Variants in MLLT3 observed in about 807,000 individuals in gnomAD.
MLLT3 encodes MLLT3 super elongation complex subunit.
A neutral mutation model predicts 53.2 loss-of-function variants in MLLT3; 4 were observed. The ratio of observed to expected loss-of-function variants is 0.08; its 90% confidence interval spans 0.04 to 0.17. The LOEUF is 0.17. Among genes scored for constraint, MLLT3 ranks in the 10% least tolerant of loss-of-function variants. The pLI is 1.00. For synonymous variants in MLLT3, 283 were observed against 230.6 expected, an observed-to-expected ratio of 1.23 and a Z score of -2.06; for missense variants, 569 against 684.0, an observed-to-expected ratio of 0.83 and a Z score of 1.87.
Position 20,448,207 on chromosome 9 carries a change from T to C in MLLT3, c.336A>G (p.Pro112=), listed in dbSNP as rs771865171. 5 of 1,613,592 alleles carry C rather than the reference T, an allele frequency of 3.1e-6. No homozygotes were observed. The East Asian group carries it at 1.1e-4, about 36-fold the overall frequency. The stretch of plus-strand genomic sequence containing the variant: ...TTTCACAGCGGAGGTGATTCACTGG[T>C]GGATGGCCTTCAAGATGCAGGAATA... ...YDLFLHLEGH[P]PVNHLRCEKL... is the part of the protein sequence containing the mutation. The change falls in exon 4 of 11, where the codon CCA becomes CCG. Residue 112 remains proline (P), a synonymous_variant. Transcript: ENST00000380338. The surrounding 1 kb of genome is among the most constrained non-coding windows in gnomAD (Gnocchi z 4.0).
intron 2 of MLLT3, among the ~76,000 whole-genome samples, chr9:20,548,705 G>T (rs1478520008): frequency 6.6e-6 from 1 of 152,152 alleles, no homozygotes; most frequent in Non-Finnish European, 1.5e-5. Flanking sequence ...TAAAAAGGCA[G>T]CAAGGAGCTG....
chr9:20,621,997 C>T lies in MLLT3; in HGVS notation c.12+248G>A, dbSNP rs1038270228. Reference sequence around the variant, plus strand: ...GCAAAGAGGCGAGGAGGGAGGGAGGCGCGGGGGGTGGAGGGGCGAGTGTGA... The same window carrying T: ...GCAAAGAGGCGAGGAGGGAGGGAGGTGCGGGGGGTGGAGGGGCGAGTGTGA... On this transcript the variant is annotated intron_variant, in intron 1 of 10. Coordinates refer to ENST00000380338, the MANE Select transcript of MLLT3 (RefSeq NM_004529.4). This position sits in a 1 kb window ranked among gnomAD's most constrained non-coding sequence, Gnocchi z 7.0. 5 of 1,274,914 alleles carry T rather than the reference C, an allele frequency of 3.9e-6. No homozygotes were observed. In the African/African-American group the frequency reaches 6.8e-5, roughly 17 times the overall value. The allele number at this position is 1,274,914 out of a possible 1,614,324, so 79.0% of individuals were successfully genotyped here. A position where few individuals can be genotyped will look rare whatever the true frequency, so the allele number is the denominator to read the frequency against.
At chr9:20,593,862 ATTTAGC>A (rs1820186355) in intron 2 of MLLT3, among the ~76,000 whole-genome samples, 1 of 151,950 alleles carries the variant, frequency 6.6e-6, no homozygotes, top group African/African-American at 2.4e-5. Flanking sequence ...AACTTTGCTT[ATTTAGC>A]TTTACTCTTG....
At chr9:20,502,988 T>G (rs1258405369) in intron 2 of MLLT3, among the ~76,000 whole-genome samples, 1 of 152,036 alleles carries the variant, frequency 6.6e-6, no homozygotes, top group Non-Finnish European at 1.5e-5. Context: ...AGGAAAAAAT[T>G]TAAACCAAGA....
chr9:20,477,940 A>T (rs1824566503), intron 2 of MLLT3, among the ~76,000 whole-genome samples: 1 of 152,256 alleles, frequency 6.6e-6, no homozygotes, highest in African/African-American at 2.4e-5. Context: ...ATTTTTAATT[A>T]GGTTGCAGAA....
intron 2 of MLLT3, among the ~76,000 whole-genome samples, chr9:20,492,712 A>G (rs911363910): frequency 2.6e-5 from 4 of 151,994 alleles, no homozygotes; most frequent in African/African-American, 9.7e-5. Context: ...TCTCTAAACT[A>G]AATATCTAAG....
intron 4 of MLLT3, among the ~76,000 whole-genome samples, chr9:20,445,482 A>G (rs1221769000): frequency 6.6e-6 from 1 of 152,208 alleles, no homozygotes; most frequent in Non-Finnish European, 1.5e-5. Flanking sequence ...TAGATTATGA[A>G]GTAGAAAAAA....
intron 5 of MLLT3, among the ~76,000 whole-genome samples, chr9:20,374,165 T>C (rs754529931): frequency 2.6e-5 from 4 of 152,196 alleles, no homozygotes; most frequent in Non-Finnish European, 5.9e-5. Flanking sequence ...GGAAGATTGT[T>C]TGAAGCCAGG....
chr9:20,578,821 G>T (rs765691824), intron 2 of MLLT3, among the ~76,000 whole-genome samples: 2 of 151,752 alleles, frequency 1.3e-5, no homozygotes, highest in Non-Finnish European at 2.9e-5. Context: ...GATTCCAAAG[G>T]CTTCACCAAA....
At chr9:20,412,659 A>C (rs1822759329) in intron 5 of MLLT3, among the ~76,000 whole-genome samples, 1 of 152,216 alleles carries the variant, frequency 6.6e-6, no homozygotes. Context: ...TAAGATTGCC[A>C]GTTATTTTTA....
At chr9:20,526,215 T>C (rs1472965570) in intron 2 of MLLT3, among the ~76,000 whole-genome samples, 1 of 152,158 alleles carries the variant, frequency 6.6e-6, no homozygotes, top group Non-Finnish European at 1.5e-5. Context: ...TGTACATACA[T>C]ACAGAAAAGT....
At chr9:20,460,167 T>C (rs1447950438) in intron 2 of MLLT3, among the ~76,000 whole-genome samples, 2 of 152,214 alleles carry the variant, frequency 1.3e-5, no homozygotes. Context: ...CTTCTGTCAC[T>C]TGCAACACTT....
chr9:20,585,664 T>C (rs568981706), intron 2 of MLLT3, among the ~76,000 whole-genome samples: 3 of 152,374 alleles, frequency 2.0e-5, no homozygotes, highest in African/African-American at 4.8e-5. Context: ...TGACGTGATA[T>C]TGAGCATCTT....
chr9:20,364,955 C>A (rs1197627676), intron 6 of MLLT3, among the ~76,000 whole-genome samples: 1 of 152,052 alleles, frequency 6.6e-6, no homozygotes, highest in Non-Finnish European at 1.5e-5. Context: ...AACACTTGAT[C>A]ATGAGTAGAG....
At position 20,622,448 on chromosome 9, in the gene MLLT3, C is replaced by T. The variant is rs535698721; in HGVS notation, c.-192G>A. On this transcript the variant is annotated 5_prime_UTR_variant, in exon 1 of 11. Transcript: ENST00000380338. ...CTCGCTCGCTTATTAAACTCAGCCC[C>T]AAAAGCAAAAGCAGCAGCAGCAGCA... 42 of 540,830 alleles carry T rather than the reference C, an allele frequency of 7.8e-5. No homozygotes were observed. Among genetic ancestry groups the T allele is most frequent in the African/African-American group, 6.5e-4 (33 of 50,920 alleles). 33.5% of individuals were successfully genotyped at this position (540,830 alleles called of 1,614,324 possible). A position where few individuals can be genotyped will look rare whatever the true frequency, so the allele number is the denominator to read the frequency against.
intron 3 of MLLT3, 150 bp downstream of exon 3, chr9:20,456,554 T>C (rs1823975219): frequency 1.6e-6 from 1 of 613,902 alleles, no homozygotes; most frequent in Admixed American, 3.2e-5. Context: ...TAATTAAGGG[T>C]AATGATAGCC....
chr9:20,480,219 A>C (rs945630152), intron 2 of MLLT3, among the ~76,000 whole-genome samples: 5 of 152,232 alleles, frequency 3.3e-5, no homozygotes, highest in Non-Finnish European at 7.3e-5. Flanking sequence ...GAAAGAACGC[A>C]TGCTGTCTTC....
intron 2 of MLLT3, among the ~76,000 whole-genome samples, chr9:20,503,221 G>T (rs1209369544): frequency 6.6e-6 from 1 of 152,072 alleles, no homozygotes; most frequent in Non-Finnish European, 1.5e-5. Context: ...AACCACGAAA[G>T]ACCCCAAATA....
At chr9:20,429,548 G>A (rs1823217730) in intron 4 of MLLT3, among the ~76,000 whole-genome samples, 1 of 134,680 alleles carries the variant, frequency 7.4e-6, no homozygotes, top group Admixed American at 7.0e-5. Context: ...CAATTGTAGG[G>A]GGGAAAAAAA....
Sources: allele counts gnomAD v4.1 joint callset (sites outside exome capture counted in the v4.1 genomes callset), GRCh38; gene constraint gnomAD v4.1.1; non-coding constraint Gnocchi (gnomAD v3.1); transcripts MANE v1.5; gene names NCBI Gene and HGNC (gene_info 2026-07-23, HGNC 2026-07-21).